The following FCHSD2 variants were observed in gnomAD, a reference collection of about 807,000 sequenced individuals.
The protein encoded by FCHSD2 is FCH and double SH3 domains 2.
In FCHSD2, 38 loss-of-function variants were observed where a neutral mutation model predicts 108.1. The ratio of observed to expected loss-of-function variants is 0.35; its 90% confidence interval spans 0.27 to 0.46. The LOEUF is 0.46. Among genes scored for constraint, FCHSD2 ranks in the 20% least tolerant of loss-of-function variants. The pLI is 1.00. For missense variants in FCHSD2, 751 were observed against 897.8 expected (o/e 0.84, Z 2.09); for synonymous variants, 279 against 314.7 (o/e 0.89, Z 1.20).
At chr11:73,071,650 G>A (rs559029921) in intron 3 of FCHSD2, among the ~76,000 whole-genome samples, 36 of 152,092 alleles carry the variant, frequency 2.4e-4, no homozygotes, top group Admixed American at 2.6e-4. Flanking sequence ...GCAGTGAGCC[G>A]AGATCATGTC....
intron 3 of FCHSD2, among the ~76,000 whole-genome samples, chr11:73,072,126 T>A (rs1859451441): frequency 6.6e-6 from 1 of 150,536 alleles, no homozygotes; most frequent in Admixed American, 6.7e-5. Context: ...ACGGGCATGT[T>A]CACACACAAA....
intron 9 of FCHSD2, among the ~76,000 whole-genome samples, chr11:72,912,158 T>C (rs1483714176): frequency 6.6e-6 from 1 of 152,192 alleles, no homozygotes; most frequent in African/African-American, 2.4e-5. Flanking sequence ...CTGACTGCTG[T>C]AGCTAGGACT....
At chr11:73,119,287 A>G (rs1469408347) in intron 2 of FCHSD2, among the ~76,000 whole-genome samples, 1 of 151,190 alleles carries the variant, frequency 6.6e-6, no homozygotes, top group Non-Finnish European at 1.5e-5. Flanking sequence ...TGCACAACAG[A>G]GCGAGACTCT....
chr11:73,023,029 C>G (rs1858144740), intron 3 of FCHSD2, among the ~76,000 whole-genome samples: 1 of 152,100 alleles, frequency 6.6e-6, no homozygotes, highest in East Asian at 1.9e-4. Context: ...ACACATACCT[C>G]ACGAGTTACA....
chr11:72,846,434 C>A (rs1861145215), intron 14 of FCHSD2, among the ~76,000 whole-genome samples: 1 of 152,150 alleles, frequency 6.6e-6, no homozygotes, highest in African/African-American at 2.4e-5. Context: ...CCCGCCTTGG[C>A]CCCGCAACGT....
At chr11:73,012,961 G>A (rs1170597425) in intron 4 of FCHSD2, among the ~76,000 whole-genome samples, 3 of 152,140 alleles carry the variant, frequency 2.0e-5, no homozygotes, top group African/African-American at 7.2e-5. Flanking sequence ...AATATGAGAT[G>A]ATGAGGAATT....
At chr11:72,876,222 C>T (rs578194087) in intron 12 of FCHSD2, among the ~76,000 whole-genome samples, 56 of 152,044 alleles carry the variant, frequency 3.7e-4, no homozygotes, top group Middle Eastern at 3.4e-3. Context: ...CCCAGCTATT[C>T]GGGAGGCTGA....
chr11:72,999,192 G>C (rs1744649235), intron 5 of FCHSD2, among the ~76,000 whole-genome samples: 1 of 151,934 alleles, frequency 6.6e-6, no homozygotes, highest in Non-Finnish European at 1.5e-5. Flanking sequence ...TCAGAGTCCT[G>C]ACAGGTATAC....
chr11:73,141,987 G>A lies in FCHSD2; in HGVS notation c.-110C>T, dbSNP rs1861260800. The A allele has an allele frequency of 1.8e-6, 2 of 1,134,550 alleles. No homozygotes were observed. Among genetic ancestry groups the A allele is most frequent in the South Asian group, 2.8e-5 (2 of 71,030 alleles). 70.3% of individuals were successfully genotyped at this position (1,134,550 alleles called of 1,614,324 possible). A position where few individuals can be genotyped will look rare whatever the true frequency, so the allele number is the denominator to read the frequency against. On this transcript the variant is annotated 5_prime_UTR_variant, in exon 1 of 20. Transcript: ENST00000409418. ...CCAGCGAGCGCGCGCGTGTGTGAAA[G>A]GAGCGCTTAAGAAGCAAGACTTGCC...
intron 2 of FCHSD2, among the ~76,000 whole-genome samples, chr11:73,106,816 C>T (rs549217934): frequency 6.6e-6 from 1 of 152,162 alleles, no homozygotes; most frequent in South Asian, 2.1e-4. Flanking sequence ...CAGACCAGAG[C>T]CTCCATGTGC....
intron 13 of FCHSD2, among the ~76,000 whole-genome samples, chr11:72,861,584 G>A (rs1861577201): frequency 6.6e-6 from 1 of 152,152 alleles, no homozygotes. Context: ...GGAAATGAAT[G>A]GAGATGGAAG....
At chr11:72,978,256 A>G (rs979209345) in intron 8 of FCHSD2, among the ~76,000 whole-genome samples, 1 of 152,120 alleles carries the variant, frequency 6.6e-6, no homozygotes, top group African/African-American at 2.4e-5. Flanking sequence ...ACATGTATAC[A>G]TATGTAACAA....
chr11:72,958,611 A>G (rs1456706476), intron 8 of FCHSD2, among the ~76,000 whole-genome samples: 1 of 152,194 alleles, frequency 6.6e-6, no homozygotes, highest in East Asian at 1.9e-4. Flanking sequence ...GAGTATTTCA[A>G]TATTTTCCTA....
At chr11:72,902,508 A>G (rs1175456950) in intron 10 of FCHSD2, 35 bp downstream of exon 10, 1 of 1,420,118 alleles carries the variant, frequency 7.0e-7, no homozygotes, top group Admixed American at 2.0e-5. Context: ...ACACAACTGA[A>G]CAACACATGA....
intron 8 of FCHSD2, among the ~76,000 whole-genome samples, chr11:72,973,913 C>T (rs369941149): frequency 2.0e-5 from 3 of 152,222 alleles, no homozygotes; most frequent in African/African-American, 7.2e-5. Context: ...TATTATCTGT[C>T]CCTTTACAAG....
rs182020883 is a variant in FCHSD2 at position 73,040,895 on chromosome 11, C to A, written c.166-25010G>T. ...ACCTTCCCACAAACTGCTCCCCCCC[C>A]TCTTTGGTAACTATCATTCTACTCT... On this transcript the variant is annotated intron_variant, in intron 3 of 19. Coordinates refer to ENST00000409418, the MANE Select transcript of FCHSD2 (RefSeq NM_014824.3). Among the ~76,000 whole-genome samples the A allele has an allele frequency of 8.5e-5, 13 of 152,282 alleles. 1 individual carries two copies. The South Asian group carries it at 1.7e-3, about 19-fold the overall frequency.
At chr11:73,074,040 C>G (rs960375073) in intron 3 of FCHSD2, among the ~76,000 whole-genome samples, 1 of 151,858 alleles carries the variant, frequency 6.6e-6, no homozygotes, top group Admixed American at 6.6e-5. Context: ...GAACAGATAT[C>G]AAGATTTATT....
chr11:73,107,838 C>A (rs1860381710), intron 2 of FCHSD2, among the ~76,000 whole-genome samples: 1 of 152,114 alleles, frequency 6.6e-6, no homozygotes, highest in African/African-American at 2.4e-5. Flanking sequence ...TTTCTTTATC[C>A]ATTTATCTGC....
At chr11:72,857,046 C>A (rs1255070484) in intron 13 of FCHSD2, among the ~76,000 whole-genome samples, 1 of 152,160 alleles carries the variant, frequency 6.6e-6, no homozygotes, top group Non-Finnish European at 1.5e-5. Context: ...GGGAATCAAT[C>A]CAAAACATTT....
Sources: gnomAD v4.1 joint callset for allele counts (sites outside exome capture counted in the v4.1 genomes callset) on GRCh38, gnomAD v4.1.1 for gene constraint, MANE v1.5 for transcripts, NCBI Gene and HGNC (gene_info 2026-07-23, HGNC 2026-07-21) for gene names.